KCNN2: variants seen among roughly 807,000 people sequenced by gnomAD.
The protein encoded by KCNN2 is small conductance calcium-activated potassium channel protein 2.
In KCNN2, 24 loss-of-function variants were observed where a neutral mutation model predicts 55.5. The observed-to-expected ratio is 0.43, with a 90% confidence interval of 0.31 to 0.61. The LOEUF is 0.61. Among genes scored for constraint, KCNN2 ranks in the 20% least tolerant of loss-of-function variants. The pLI, the probability that KCNN2 is intolerant of heterozygous loss-of-function variation, is 0.08. For synonymous variants in KCNN2, 431 were observed against 336.1 expected (o/e 1.28, Z -3.09); for missense variants, 754 against 853.6 (o/e 0.88, Z 1.45).
intron 3 of KCNN2, among the ~76,000 whole-genome samples, chr5:114,412,061 T>A (rs940938904): frequency 2.0e-5 from 3 of 152,222 alleles, no homozygotes; most frequent in Non-Finnish European, 2.9e-5. Flanking sequence ...TCCTGTAGGA[T>A]GAGAGAATAT....
intron 1 of KCNN2, among the ~76,000 whole-genome samples, chr5:114,143,292 G>A (rs2112507787): frequency 6.6e-6 from 1 of 152,292 alleles, no homozygotes; most frequent in East Asian, 1.9e-4. Flanking sequence ...GTGTGCATCA[G>A]TAATTTCTAA....
At chr5:114,311,418 A>G (rs1304173142) in intron 2 of KCNN2, among the ~76,000 whole-genome samples, 2 of 152,190 alleles carry the variant, frequency 1.3e-5, no homozygotes, top group African/African-American at 2.4e-5. Flanking sequence ...TGTGGAACCT[A>G]TTCAGCAAAC....
intron 4 of KCNN2, among the ~76,000 whole-genome samples, chr5:114,467,083 C>T (rs748113281): frequency 2.6e-5 from 4 of 152,178 alleles, no homozygotes; most frequent in South Asian, 2.1e-4. Context: ...TGCCCTGTGC[C>T]GAGGAAATCT....
At chr5:114,224,870 C>T (rs5013666) in intron 2 of KCNN2, among the ~76,000 whole-genome samples, 124,193 of 152,098 alleles carry the variant, frequency 0.82, 50,844 homozygotes, top group East Asian at 0.9. Flanking sequence ...TCATGTCTTT[C>T]GCCCATTTTT....
At chr5:114,486,783 A>G in intron 5 of KCNN2, 1 of 1,346,740 alleles carries the variant, frequency 7.4e-7, no homozygotes, top group Admixed American at 2.4e-5. Flanking sequence ...TAGTTGAATA[A>G]AAAAGAAGTT....
intron 3 of KCNN2, among the ~76,000 whole-genome samples, chr5:114,407,490 C>G (rs1481614414): frequency 6.6e-6 from 1 of 151,730 alleles, no homozygotes; most frequent in Non-Finnish European, 1.5e-5. Flanking sequence ...TTAATTATGG[C>G]TTTTTGAAAT....
At chr5:114,091,429 A>T (rs1435403413) in intron 1 of KCNN2, among the ~76,000 whole-genome samples, 1 of 152,188 alleles carries the variant, frequency 6.6e-6, no homozygotes, top group Non-Finnish European at 1.5e-5. Context: ...GAATGAGGTT[A>T]AGATCCTGAG....
chr5:114,477,228 TATGA>T (rs1762011319), intron 5 of KCNN2, among the ~76,000 whole-genome samples: 1 of 152,142 alleles, frequency 6.6e-6, no homozygotes, highest in African/African-American at 2.4e-5. Context: ...AAAAAAGCAA[TATGA>T]ATGTTAAAAG....
Position 114,241,765 on chromosome 5 carries a change from TATATATATACATATATAC to T in KCNN2, c.-185+20201_-185+20218del, listed in dbSNP as rs1754637761. Among the ~76,000 whole-genome samples the T allele has an allele frequency of 2.1e-4, 4 of 18,876 alleles. 2 individuals carry two copies. The highest frequency in any genetic ancestry group is 1.2e-3 in the Admixed American group (2 of 1,646). 12.4% of individuals were successfully genotyped at this position (18,876 alleles called of 152,430 possible). On this transcript the variant is annotated intron_variant, in intron 2 of 10. Transcript: ENST00000512097. ...ACGTATATATATGTATATATATACGTATATATATACATATATACGTATATATATGTATATATATACGTA... is the reference window on the plus strand; with the variant it reads ...ACGTATATATATGTATATATATACGTGTATATATATGTATATATATACGTA...
rs76052751 is a variant in KCNN2 at position 114,264,772 on chromosome 5, C to A, written c.-185+43207C>A. ...CCATGCTTGAATCCTCACGAATGCC[C>A]CCCCAGGGCAGCATGCCACCAGAGG... On this transcript the variant is annotated intron_variant, in intron 2 of 10. Transcript: ENST00000512097. 8.1e-3 allele frequency among the ~76,000 whole-genome samples: 1,241 copies of A among 152,288 alleles called. 26 individuals are homozygous for A. Among genetic ancestry groups the A allele is most frequent in the African/African-American group, 0.028 (1,178 of 41,558 alleles).
intron 1 of KCNN2, among the ~76,000 whole-genome samples, chr5:114,217,160 A>G (rs928962166): frequency 6.6e-6 from 1 of 152,144 alleles, no homozygotes; most frequent in Non-Finnish European, 1.5e-5. Flanking sequence ...AAAACTCAAT[A>G]TCATCAATAC....
At chr5:114,308,081 T>C (rs1034628206) in intron 2 of KCNN2, among the ~76,000 whole-genome samples, 1 of 152,174 alleles carries the variant, frequency 6.6e-6, no homozygotes. Context: ...GAAGAAACTA[T>C]GTTTTTCCTA....
At chr5:114,181,405 T>C (rs1753238807) in intron 1 of KCNN2, among the ~76,000 whole-genome samples, 3 of 152,230 alleles carry the variant, frequency 2.0e-5, no homozygotes, top group African/African-American at 7.2e-5. Flanking sequence ...TGTCTTACTT[T>C]GTGAAGTGTT....
At chr5:114,392,175 G>A (rs966660878) in intron 2 of KCNN2, among the ~76,000 whole-genome samples, 1 of 152,130 alleles carries the variant, frequency 6.6e-6, no homozygotes, top group African/African-American at 2.4e-5. Flanking sequence ...ACTTGATAGT[G>A]TTGCCTACAA....
intron 2 of KCNN2, among the ~76,000 whole-genome samples, chr5:114,367,322 A>G (rs1020634748): frequency 6.6e-6 from 1 of 152,212 alleles, no homozygotes; most frequent in East Asian, 1.9e-4. Flanking sequence ...AATTACTTTT[A>G]TACCTCACTA....
At chr5:114,247,219 A>AG (rs1288831722) in intron 2 of KCNN2, among the ~76,000 whole-genome samples, 12 of 149,440 alleles carry the variant, frequency 8.0e-5, no homozygotes, top group African/African-American at 2.9e-4. Context: ...AAAAAAAAAA[A>AG]AAAAGAAAAG....
chr5:114,234,297 A>G (rs1754427431), intron 2 of KCNN2, among the ~76,000 whole-genome samples: 1 of 152,200 alleles, frequency 6.6e-6, no homozygotes, highest in South Asian at 2.1e-4. Flanking sequence ...ACCATGTAAG[A>G]TCAGAATTTC....
intron 2 of KCNN2, among the ~76,000 whole-genome samples, chr5:114,242,250 A>G (rs1312556816): frequency 6.6e-6 from 1 of 152,134 alleles, no homozygotes; most frequent in African/African-American, 2.4e-5. Context: ...AAAGGCAGTC[A>G]GTGCCTCTGC....
At chr5:114,336,070 A>G (rs1010980933) in intron 2 of KCNN2, among the ~76,000 whole-genome samples, 3 of 152,226 alleles carry the variant, frequency 2.0e-5, no homozygotes, top group South Asian at 2.1e-4. Context: ...CAACTAATTG[A>G]TGTGGTTCAA....
Sources: allele counts gnomAD v4.1 joint callset (sites outside exome capture counted in the v4.1 genomes callset), GRCh38; gene constraint gnomAD v4.1.1; transcripts MANE v1.5; gene names NCBI Gene and HGNC (gene_info 2026-07-23, HGNC 2026-07-21).